SORBS2: variants seen among roughly 807,000 people sequenced by gnomAD.
SORBS2 encodes sorbin and SH3 domain-containing protein 2.
In SORBS2, 46 loss-of-function variants were observed where a neutral mutation model predicts 97.7. The observed-to-expected ratio is 0.47, with a 90% CI of 0.37 to 0.60. The LOEUF (loss-of-function observed/expected upper bound fraction) is 0.60, where lower values mean the gene tolerates loss of function less well. Among genes scored for constraint, SORBS2 ranks in the 20% least tolerant of loss-of-function variants. The pLI is 0.00. For missense variants in SORBS2, 1,316 were observed against 1,282.3 expected (o/e 1.03, Z -0.40); for synonymous variants, 476 against 473.4 (o/e 1.01, Z -0.07).
At chr4:185,842,526 A>G (rs1264217739) in intron 1 of SORBS2, among the ~76,000 whole-genome samples, 3 of 152,200 alleles carry the variant, frequency 2.0e-5, no homozygotes, top group African/African-American at 7.2e-5. Context: ...TCGTACATTA[A>G]AAGGTACACT....
intron 3 of SORBS2, 67 bp from the exon 13 acceptor site, chr4:185,646,849 G>A (rs1159893771): frequency 6.5e-6 from 6 of 918,934 alleles, no homozygotes; most frequent in African/African-American, 1.6e-5. Context: ...TGTAAAACCA[G>A]TTATCTGTTT....
At position 185,597,787 on chromosome 4, in the gene SORBS2, G is replaced by T. The variant is rs141874422; in HGVS notation, c.2797-3852C>A. On this transcript the variant is annotated intron_variant, in intron 12 of 14. Coordinates refer to ENST00000418609, the Ensembl canonical transcript of SORBS2. ...AGCTGCACTCTGTCGCCACCTAGTG[G>T]TGAGCAATGGCAGCAACAAGCTGAG... Among the ~76,000 whole-genome samples the T allele has an allele frequency of 1.4e-3, 215 of 152,280 alleles. 2 individuals are homozygous for T. The highest frequency in any genetic ancestry group is 5.0e-3 in the African/African-American group (206 of 41,558).
At chr4:185,771,547 C>T (rs1196957045) in intron 2 of SORBS2, 2 of 152,168 alleles carry the variant, frequency 1.3e-5, no homozygotes, top group African/African-American at 4.8e-5. Flanking sequence ...ATGGCACTTC[C>T]AAATTGTGTT....
chr4:185,775,812 T>C (rs996066751), intron 1 of SORBS2: 1 of 152,268 alleles, frequency 6.6e-6, no homozygotes, highest in Non-Finnish European at 1.5e-5. Context: ...CTGGTAGCAG[T>C]ATCTGTTGTC....
intron 1 of SORBS2, among the ~76,000 whole-genome samples, chr4:185,856,145 G>C (rs2099220488): frequency 6.6e-6 from 1 of 152,100 alleles, no homozygotes; most frequent in South Asian, 2.1e-4. Flanking sequence ...TTAGTCCAAT[G>C]TTCAATTTAA....
At chr4:185,789,689 AT>A (rs1043471517) in intron 1 of SORBS2, among the ~76,000 whole-genome samples, 2 of 151,978 alleles carry the variant, frequency 1.3e-5, no homozygotes, top group South Asian at 4.2e-4. Flanking sequence ...AGAATATACC[AT>A]TTTTTTACAA....
chr4:185,797,810 T>C (rs1203731553), intron 1 of SORBS2, among the ~76,000 whole-genome samples: 1 of 152,118 alleles, frequency 6.6e-6, no homozygotes, highest in African/African-American at 2.4e-5. Context: ...TGTTCCTACA[T>C]TCCAGACGCA....
intron 12 of SORBS2, among the ~76,000 whole-genome samples, chr4:185,603,817 G>A (rs901956898): frequency 6.6e-6 from 1 of 152,078 alleles, no homozygotes; most frequent in Non-Finnish European, 1.5e-5. Flanking sequence ...AAATACCAGC[G>A]GAACTGTCAG....
At chr4:185,872,771 T>C (rs141217801) in intron 1 of SORBS2, among the ~76,000 whole-genome samples, 3 of 152,308 alleles carry the variant, frequency 2.0e-5, no homozygotes, top group Admixed American at 6.5e-5. Flanking sequence ...TGAGCTTCCA[T>C]CTTGTCCCAC....
chr4:185,823,927 G>T (rs1472196393), intron 1 of SORBS2, among the ~76,000 whole-genome samples: 1 of 152,144 alleles, frequency 6.6e-6, no homozygotes, highest in East Asian at 1.9e-4. Flanking sequence ...AGCTACTAAG[G>T]GAAGTCACCT....
intron 1 of SORBS2, among the ~76,000 whole-genome samples, chr4:185,920,880 G>A (rs540998942): frequency 7.9e-5 from 12 of 152,294 alleles, no homozygotes; most frequent in African/African-American, 2.9e-4. Flanking sequence ...CAAATTCACA[G>A]AATATGATGT....
intron 1 of SORBS2, among the ~76,000 whole-genome samples, chr4:185,848,131 A>G (rs1246909621): frequency 1.3e-5 from 2 of 152,120 alleles, no homozygotes; most frequent in African/African-American, 4.8e-5. Flanking sequence ...CCCCGAAATT[A>G]TATGAGTACA....
intron 1 of SORBS2, among the ~76,000 whole-genome samples, chr4:185,890,948 T>TTGAA (rs10526809): frequency 7.9e-5 from 12 of 151,650 alleles, no homozygotes; most frequent in African/African-American, 2.4e-4. Flanking sequence ...ATAGTAAATA[T>TTGAA]TGAATGAATG....
At chr4:185,894,660 T>C (rs1343079871) in intron 1 of SORBS2, among the ~76,000 whole-genome samples, 1 of 152,192 alleles carries the variant, frequency 6.6e-6, no homozygotes, top group Non-Finnish European at 1.5e-5. Context: ...AATATCTCTC[T>C]GGGGTCTGCT....
Position 185,716,098 on chromosome 4 carries a change from G to A in SORBS2, c.-197-37276C>T, listed in dbSNP as rs938378562. On this transcript the variant is annotated intron_variant, in intron 2 of 20. Coordinates refer to the SORBS2 transcript ENST00000284776. Reference sequence around the variant, plus strand: ...TTTCATAGAAAAAGTATTTCATAACGAAGGCTTATGATCCTGATTATGGGC... The same window carrying A: ...TTTCATAGAAAAAGTATTTCATAACAAAGGCTTATGATCCTGATTATGGGC... Among the ~76,000 whole-genome samples the A allele has an allele frequency of 7.2e-5, 11 of 152,318 alleles. 1 individual carries two copies. The South Asian group carries it at 8.3e-4, about 12-fold the overall frequency.
chr4:185,801,926 A>G (rs2099132968), intron 1 of SORBS2, among the ~76,000 whole-genome samples: 1 of 152,196 alleles, frequency 6.6e-6, no homozygotes, highest in Non-Finnish European at 1.5e-5. Flanking sequence ...GCCAGACTCA[A>G]CAATTTACAT....
intron 2 of SORBS2, among the ~76,000 whole-genome samples, chr4:185,735,376 A>T (rs201148123): frequency 9.2e-5 from 13 of 141,904 alleles, no homozygotes; most frequent in East Asian, 2.1e-4. Context: ...AGAGTAAACT[A>T]TTTTTTTTTT....
intron 2 of SORBS2, among the ~76,000 whole-genome samples, chr4:185,721,232 G>A (rs2098511823): frequency 6.6e-6 from 1 of 151,788 alleles, no homozygotes; most frequent in Non-Finnish European, 1.5e-5. Flanking sequence ...CTGCCACCAC[G>A]CCCAGATAAT....
intron 2 of SORBS2, among the ~76,000 whole-genome samples, chr4:185,685,534 T>C (rs1332053527): frequency 1.3e-5 from 2 of 152,192 alleles, no homozygotes; most frequent in Non-Finnish European, 2.9e-5. Flanking sequence ...TTTTACTTTT[T>C]AAATTTTTAT....
Sources: allele counts gnomAD v4.1 joint callset (sites outside exome capture counted in the v4.1 genomes callset), GRCh38; gene constraint gnomAD v4.1.1; transcripts MANE v1.5; gene names NCBI Gene and HGNC (gene_info 2026-07-23, HGNC 2026-07-21).